The following ADGRB3 variants were observed in gnomAD, a reference collection of about 807,000 sequenced individuals.
The protein encoded by ADGRB3 is adhesion G protein-coupled receptor B3, also known as brain-specific angiogenesis inhibitor 3.
In ADGRB3, 37 loss-of-function variants were observed where a neutral mutation model predicts 193.4. The observed-to-expected ratio is 0.19, with a 90% CI of 0.15 to 0.25. ADGRB3 has a LOEUF of 0.25. Among genes scored for constraint, ADGRB3 ranks in the 10% least tolerant of loss-of-function variants. ADGRB3 has a pLI of 1.00. For missense variants in ADGRB3, 1,637 were observed against 1,852.9 expected, an observed-to-expected ratio of 0.88 and a Z score of 2.14; for synonymous variants, 690 against 644.2, an observed-to-expected ratio of 1.07 and a Z score of -1.08.
chr6:69,265,344 T>A (rs1224710115), intron 20 of ADGRB3, among the ~76,000 whole-genome samples: 1 of 151,848 alleles, frequency 6.6e-6, no homozygotes, highest in Non-Finnish European at 1.5e-5. Context: ...TAAATGTAAA[T>A]GTCTTTACAT....
At chr6:69,004,867 T>C (rs1036164912) in intron 11 of ADGRB3, among the ~76,000 whole-genome samples, 4 of 152,164 alleles carry the variant, frequency 2.6e-5, no homozygotes, top group Non-Finnish European at 4.4e-5. Context: ...GAGAATTTTC[T>C]TTTATTGAAG....
Position 68,901,513 on chromosome 6 carries a change from G to A in ADGRB3, c.758-29046G>A, listed in dbSNP as rs1350503092. On this transcript the variant is annotated intron_variant, in intron 3 of 31. Transcript: ENST00000370598. Reference sequence around the variant, plus strand: ...GCTAAATCCAGGGGATTCACACAGGGTGTGAATGTCAGGATGTGGAGGTCA... The same window carrying A: ...GCTAAATCCAGGGGATTCACACAGGATGTGAATGTCAGGATGTGGAGGTCA... 1.4e-4 allele frequency among the ~76,000 whole-genome samples: 22 copies of A among 152,190 alleles called. 1 individual carries two copies. The highest frequency in any genetic ancestry group is 4.4e-5 in the Non-Finnish European group (3 of 68,016).
intron 17 of ADGRB3, among the ~76,000 whole-genome samples, chr6:69,101,278 T>C (rs1773047337): frequency 6.6e-6 from 1 of 152,166 alleles, no homozygotes; most frequent in Non-Finnish European, 1.5e-5. Context: ...CATGTATGGA[T>C]TGCTGGTCTT....
chr6:68,963,510 A>C (rs2150259745), intron 8 of ADGRB3, among the ~76,000 whole-genome samples: 1 of 152,266 alleles, frequency 6.6e-6, no homozygotes, highest in African/African-American at 2.4e-5. Flanking sequence ...CAGCTTCAAT[A>C]GCTTTCCAAT....
chr6:69,040,381 C>CTTTCTT (rs1383554780), intron 13 of ADGRB3, among the ~76,000 whole-genome samples: 936 of 55,782 alleles, frequency 0.017, 64 homozygotes, highest in East Asian at 0.092. Flanking sequence ...TTCTTTCCTT[C>CTTTCTT]TCTCTCTTTC....
intron 20 of ADGRB3, among the ~76,000 whole-genome samples, chr6:69,242,376 T>C (rs1379490487): frequency 1.3e-5 from 2 of 151,898 alleles, no homozygotes; most frequent in Non-Finnish European, 2.9e-5. Flanking sequence ...GATGCTTTAG[T>C]ATTCCCATCT....
chr6:69,122,135 C>T (rs62406784), intron 17 of ADGRB3, among the ~76,000 whole-genome samples: 96,186 of 150,960 alleles, frequency 0.64, 31,911 homozygotes, highest in East Asian at 0.95. Flanking sequence ...GCCGAGATCA[C>T]GCCACTGCAC....
At chr6:68,844,207 A>G (rs1455028302) in intron 3 of ADGRB3, among the ~76,000 whole-genome samples, 1 of 152,244 alleles carries the variant, frequency 6.6e-6, no homozygotes, top group African/African-American at 2.4e-5. Flanking sequence ...GTACAGCAAA[A>G]GAAACAATCA....
chr6:68,922,224 T>C (rs1767063216), intron 3 of ADGRB3, among the ~76,000 whole-genome samples: 1 of 152,212 alleles, frequency 6.6e-6, no homozygotes, highest in Non-Finnish European at 1.5e-5. Flanking sequence ...GTGTGGAATG[T>C]AATGGGTGCT....
chr6:68,821,344 G>A lies in ADGRB3; in HGVS notation c.758-109215G>A, dbSNP rs561629144. 2.0e-5 allele frequency among the ~76,000 whole-genome samples: 3 copies of A among 151,960 alleles called. No individual in the cohort carries two copies. The South Asian group carries it at 6.2e-4, about 32-fold the overall frequency. ...CATAAGCGTAAATTACTTTACATAA[G>A]TACAATGTAGATTTTACTTTTTCTT... is the stretch of plus-strand genomic sequence containing the variant. On this transcript the variant is annotated intron_variant, in intron 3 of 31. Coordinates refer to ENST00000370598, the MANE Select transcript of ADGRB3 (RefSeq NM_001704.3).
At chr6:69,069,731 TAA>T (rs754345752) in intron 16 of ADGRB3, among the ~76,000 whole-genome samples, 11 of 108,194 alleles carry the variant, frequency 1.0e-4, no homozygotes, top group East Asian at 7.6e-4. Context: ...ACTCTCTCAT[TAA>T]AAAAAAAAAA....
At chr6:69,040,901 G>A (rs1054016912) in intron 13 of ADGRB3, among the ~76,000 whole-genome samples, 30 of 152,202 alleles carry the variant, frequency 2.0e-4, no homozygotes, top group Admixed American at 2.0e-3. Context: ...TTTAGTCTGT[G>A]TACTTTTGAG....
chr6:69,188,316 T>C (rs968071597), intron 17 of ADGRB3, among the ~76,000 whole-genome samples: 1 of 152,190 alleles, frequency 6.6e-6, no homozygotes, highest in African/African-American at 2.4e-5. Context: ...TTTCTTTTTT[T>C]TCTTTTTTGA....
intron 10 of ADGRB3, among the ~76,000 whole-genome samples, chr6:68,989,562 C>T (rs1769173877): frequency 6.6e-6 from 1 of 152,050 alleles, no homozygotes; most frequent in Admixed American, 6.6e-5. Context: ...CACTGAATGT[C>T]CACTTTTAAC....
intron 3 of ADGRB3, among the ~76,000 whole-genome samples, chr6:68,640,852 G>T (rs1176127690): frequency 6.6e-6 from 1 of 152,198 alleles, no homozygotes; most frequent in Non-Finnish European, 1.5e-5. Context: ...GAAAATGAAT[G>T]CAGACTAATG....
chr6:68,702,189 G>A (rs2746129), intron 3 of ADGRB3, among the ~76,000 whole-genome samples: 62,962 of 149,640 alleles, frequency 0.42, 13,871 homozygotes, highest in African/African-American at 0.56. Context: ...CATGTCACAT[G>A]GCAAGAACAG....
At chr6:69,107,855 A>G (rs1773255613) in intron 17 of ADGRB3, among the ~76,000 whole-genome samples, 2 of 152,272 alleles carry the variant, frequency 1.3e-5, no homozygotes. Flanking sequence ...ACTCAGGGAT[A>G]TAAAGATGGC....
chr6:68,842,311 A>C (rs1423981253), intron 3 of ADGRB3, among the ~76,000 whole-genome samples: 2 of 151,958 alleles, frequency 1.3e-5, no homozygotes, highest in Admixed American at 1.3e-4. Flanking sequence ...AAATAAATAA[A>C]ATTAGAGATG....
intron 5 of ADGRB3, among the ~76,000 whole-genome samples, chr6:68,937,752 T>C (rs1430684236): frequency 2.0e-5 from 3 of 152,086 alleles, no homozygotes; most frequent in Non-Finnish European, 4.4e-5. Flanking sequence ...TCCAGCAGAA[T>C]ATGCAAAGGG....
Sources: gnomAD v4.1 joint callset for allele counts (sites outside exome capture counted in the v4.1 genomes callset) on GRCh38, gnomAD v4.1.1 for gene constraint, MANE v1.5 for transcripts, NCBI Gene and HGNC (gene_info 2026-07-23, HGNC 2026-07-21) for gene names.